The following L3MBTL4 variants were observed in gnomAD, a reference collection of about 807,000 sequenced individuals.
L3MBTL4 encodes lethal(3)malignant brain tumor-like protein 4.
Under a neutral mutation model 84.5 loss-of-function variants are expected in L3MBTL4, and 70 were observed. That is an observed-to-expected ratio of 0.83 (90% CI 0.68 to 1.01). The LOEUF (loss-of-function observed/expected upper bound fraction) is 1.01. Ranked by LOEUF, L3MBTL4 falls within the 50% of genes least tolerant of loss-of-function variation. The probability of loss-of-function intolerance (pLI) is 0.00; values close to 1 mark genes in which losing one functional copy is unlikely to be tolerated. For missense variants in L3MBTL4, 715 were observed against 754.8 expected, an observed-to-expected ratio of 0.95 and a Z score of 0.62; for synonymous variants, 274 against 259.8, an observed-to-expected ratio of 1.05 and a Z score of -0.52.
chr18:6,200,019 C>T (rs2045583957), intron 12 of L3MBTL4, among the ~76,000 whole-genome samples: 1 of 152,100 alleles, frequency 6.6e-6, no homozygotes, highest in Non-Finnish European at 1.5e-5. Flanking sequence ...GAGGAAGCTG[C>T]CAGCAGAAGC....
intron 16 of L3MBTL4, among the ~76,000 whole-genome samples, chr18:5,987,240 G>C (rs1407638719): frequency 6.6e-6 from 1 of 152,220 alleles, no homozygotes; most frequent in Non-Finnish European, 1.5e-5. Flanking sequence ...GGGAAAATGT[G>C]CTATGAAGTT....
At chr18:6,209,746 C>T (rs1025869499) in intron 12 of L3MBTL4, among the ~76,000 whole-genome samples, 1 of 152,124 alleles carries the variant, frequency 6.6e-6, no homozygotes, top group Non-Finnish European at 1.5e-5. Flanking sequence ...ACCCAAATGT[C>T]CATCAACTGA....
In L3MBTL4 at chr18:6,304,747, C is replaced by T. The variant is rs539423711; in HGVS notation, c.73-2790G>A. On this transcript the variant is annotated intron_variant, in intron 3 of 18. Transcript: ENST00000317931. Reference sequence around the variant, plus strand: ...CCAGTTCCACCCCTGTTCATTCACTCAATACACAGGAAATTTACATATGTA... The same window carrying T: ...CCAGTTCCACCCCTGTTCATTCACTTAATACACAGGAAATTTACATATGTA... Among the ~76,000 whole-genome samples, 6 of 152,302 alleles carry T rather than the reference C, an allele frequency of 3.9e-5. No individual in the cohort carries two copies. The South Asian group carries it at 1.2e-3, about 32-fold the overall frequency.
intron 9 of L3MBTL4, among the ~76,000 whole-genome samples, chr18:6,239,339 T>TC (rs1555698748): frequency 1.6e-4 from 12 of 73,938 alleles, no homozygotes; most frequent in Non-Finnish European, 2.3e-4. Flanking sequence ...AGACTCCGTC[T>TC]CAAAAAAAAA....
intron 16 of L3MBTL4, among the ~76,000 whole-genome samples, chr18:5,986,522 A>G (rs144068029): frequency 6.6e-6 from 1 of 152,346 alleles, no homozygotes; most frequent in Non-Finnish European, 1.5e-5. Flanking sequence ...TGGAGCTTTC[A>G]TCTCCCTTCA....
At chr18:6,231,458 C>G (rs908625802) in intron 10 of L3MBTL4, among the ~76,000 whole-genome samples, 6 of 152,048 alleles carry the variant, frequency 3.9e-5, no homozygotes, top group African/African-American at 1.4e-4. Flanking sequence ...TGTACCAGTA[C>G]CATGCTGTTT....
At chr18:6,221,150 A>G (rs2046534126) in intron 10 of L3MBTL4, among the ~76,000 whole-genome samples, 1 of 151,976 alleles carries the variant, frequency 6.6e-6, no homozygotes, top group Admixed American at 6.6e-5. Context: ...TATTTTTTCC[A>G]CTGGAACATT....
At chr18:6,075,826 A>G (rs567148214) in intron 16 of L3MBTL4, among the ~76,000 whole-genome samples, 1 of 152,306 alleles carries the variant, frequency 6.6e-6, no homozygotes, top group Admixed American at 6.5e-5. Context: ...GACAATGTAA[A>G]AGACAAATGA....
intron 13 of L3MBTL4, among the ~76,000 whole-genome samples, chr18:6,152,550 A>C (rs1166027910): frequency 1.3e-5 from 2 of 152,192 alleles, no homozygotes; most frequent in African/African-American, 4.8e-5. Context: ...TCTTCAGAAA[A>C]AAAAGTCCAT....
At chr18:6,099,029 A>G (rs1598742902) in intron 14 of L3MBTL4, among the ~76,000 whole-genome samples, 1 of 152,184 alleles carries the variant, frequency 6.6e-6, no homozygotes, top group Non-Finnish European at 1.5e-5. Context: ...GAAGAGGTAT[A>G]TGCTGCCTGC....
chr18:6,192,132 G>A (rs945743993), intron 12 of L3MBTL4, among the ~76,000 whole-genome samples: 5 of 152,130 alleles, frequency 3.3e-5, no homozygotes, highest in Non-Finnish European at 5.9e-5. Context: ...AAGAGAATGC[G>A]GTGCCCTGGA....
chr18:6,255,077 C>T (rs2048082451), intron 5 of L3MBTL4, among the ~76,000 whole-genome samples: 1 of 152,210 alleles, frequency 6.6e-6, no homozygotes, highest in Non-Finnish European at 1.5e-5. Flanking sequence ...AGTCTAGTGT[C>T]TAAAACAATA....
intron 14 of L3MBTL4, among the ~76,000 whole-genome samples, chr18:6,127,532 T>C (rs1388222061): frequency 2.6e-5 from 4 of 152,234 alleles, no homozygotes; most frequent in Admixed American, 2.6e-4. Context: ...AGTTAGAGAA[T>C]ACATAGCAGA....
chr18:6,255,408 A>G (rs2048094105), intron 5 of L3MBTL4, among the ~76,000 whole-genome samples: 1 of 152,158 alleles, frequency 6.6e-6, no homozygotes, highest in Non-Finnish European at 1.5e-5. Flanking sequence ...ACTTTCAATC[A>G]CCATTTCAGA....
At chr18:6,348,752 T>C (rs2053041869) in intron 1 of L3MBTL4, among the ~76,000 whole-genome samples, 1 of 152,190 alleles carries the variant, frequency 6.6e-6, no homozygotes, top group African/African-American at 2.4e-5. Flanking sequence ...GAGGCTCCAT[T>C]AAGAAAGTGA....
At chr18:5,961,941 G>T (rs754269959) in intron 17 of L3MBTL4, among the ~76,000 whole-genome samples, 1 of 152,282 alleles carries the variant, frequency 6.6e-6, no homozygotes. Flanking sequence ...CTGGGGCCCA[G>T]GACACTGAGG....
At chr18:6,064,798 G>A (rs948856093) in intron 16 of L3MBTL4, among the ~76,000 whole-genome samples, 2 of 151,770 alleles carry the variant, frequency 1.3e-5, no homozygotes, top group African/African-American at 4.8e-5. Flanking sequence ...TTGATGAATC[G>A]TGACAATCTG....
chr18:6,103,101 C>G (rs1322982382), intron 14 of L3MBTL4, among the ~76,000 whole-genome samples: 1 of 152,144 alleles, frequency 6.6e-6, no homozygotes, highest in Non-Finnish European at 1.5e-5. Context: ...GTTTAATGTA[C>G]TGTAAGTAAT....
At chr18:6,276,973 A>C (rs2049106904) in intron 4 of L3MBTL4, among the ~76,000 whole-genome samples, 1 of 152,084 alleles carries the variant, frequency 6.6e-6, no homozygotes, top group African/African-American at 2.4e-5. Context: ...TAAAATAACA[A>C]AATTTTCAGA....
Sources: gnomAD v4.1 joint callset for allele counts (sites outside exome capture counted in the v4.1 genomes callset) on GRCh38, gnomAD v4.1.1 for gene constraint, MANE v1.5 for transcripts, NCBI Gene and HGNC (gene_info 2026-07-23, HGNC 2026-07-21) for gene names.